GLRA3: variants seen among roughly 807,000 people sequenced by gnomAD.
GLRA3 encodes the protein glycine receptor subunit alpha-3.
A neutral mutation model predicts 60.4 loss-of-function variants in GLRA3; 44 were observed. The ratio of observed to expected loss-of-function variants is 0.73; its 90% confidence interval spans 0.57 to 0.94. The LOEUF (loss-of-function observed/expected upper bound fraction) is 0.94, where lower values mean the gene tolerates loss of function less well. Ranked by LOEUF, GLRA3 falls within the 40% of genes least tolerant of loss-of-function variation. The probability of loss-of-function intolerance (pLI) is 0.00; values close to 1 mark genes in which losing one functional copy is unlikely to be tolerated. For missense variants in GLRA3, 508 were observed against 564.6 expected (o/e 0.90, Z 1.02); for synonymous variants, 223 against 192.9 (o/e 1.16, Z -1.29).
chr4:174,683,065 A>C, intron 5 of GLRA3, 126 bp from the exon 6 acceptor site: 1 of 702,144 alleles, frequency 1.4e-6, no homozygotes, highest in Non-Finnish European at 2.4e-6. Context: ...AACTCTGTGG[A>C]TGGAGCTATT....
At chr4:174,773,967 CA>C (rs1738493847) in intron 2 of GLRA3, among the ~76,000 whole-genome samples, 5 of 11,612 alleles carry the variant, frequency 4.3e-4, no homozygotes, top group Admixed American at 2.9e-3. Flanking sequence ...GGAAAATGTA[CA>C]CCCACAATAG....
At chr4:174,737,067 A>G (rs1030339183) in intron 3 of GLRA3, among the ~76,000 whole-genome samples, 1 of 152,186 alleles carries the variant, frequency 6.6e-6, no homozygotes, top group Non-Finnish European at 1.5e-5. Flanking sequence ...GGGTTTATCT[A>G]TTTACTTCAC....
chr4:174,781,634 T>G (rs1386982240), intron 2 of GLRA3, among the ~76,000 whole-genome samples: 1 of 150,382 alleles, frequency 6.6e-6, no homozygotes, highest in Non-Finnish European at 1.5e-5. Flanking sequence ...AAAGGGGATA[T>G]CACCACCGAT....
chr4:174,713,147 A>C (rs1385779756), intron 5 of GLRA3, among the ~76,000 whole-genome samples: 1 of 152,160 alleles, frequency 6.6e-6, no homozygotes, highest in African/African-American at 2.4e-5. Context: ...AATTAAAATT[A>C]ATTCCTAATA....
chr4:174,704,850 T>C (rs1346984382), intron 5 of GLRA3, among the ~76,000 whole-genome samples: 1 of 143,280 alleles, frequency 7.0e-6, no homozygotes, highest in African/African-American at 2.5e-5. Flanking sequence ...CAAAGACAAA[T>C]ACTGTATGAA....
At chr4:174,697,944 C>T (rs944554183) in intron 5 of GLRA3, among the ~76,000 whole-genome samples, 1 of 152,098 alleles carries the variant, frequency 6.6e-6, no homozygotes, top group African/African-American at 2.4e-5. Flanking sequence ...ATAAGAGGGT[C>T]TTGCCCGACT....
At chr4:174,690,739 T>C (rs968171984) in intron 5 of GLRA3, among the ~76,000 whole-genome samples, 2 of 152,234 alleles carry the variant, frequency 1.3e-5, no homozygotes, top group African/African-American at 4.8e-5. Flanking sequence ...GGTTCCCACT[T>C]ATAAGTGAGA....
At chr4:174,808,441 A>G (rs947960250) in intron 1 of GLRA3, among the ~76,000 whole-genome samples, 8 of 152,184 alleles carry the variant, frequency 5.3e-5, no homozygotes, top group African/African-American at 1.9e-4. Context: ...CAGTCATATA[A>G]AAGTATACCA....
chr4:174,779,079 G>A (rs1048640367), intron 2 of GLRA3, among the ~76,000 whole-genome samples: 2 of 152,216 alleles, frequency 1.3e-5, no homozygotes, highest in African/African-American at 2.4e-5. Flanking sequence ...CTGTCTGACA[G>A]CTTTGAAGAG....
chr4:174,666,332 G>A (rs1733661366), intron 7 of GLRA3, among the ~76,000 whole-genome samples: 1 of 151,944 alleles, frequency 6.6e-6, no homozygotes, highest in Non-Finnish European at 1.5e-5. Context: ...AAAAGAAATG[G>A]TCATTATATT....
chr4:174,774,734 A>G (rs1173455132), intron 2 of GLRA3, among the ~76,000 whole-genome samples: 2 of 152,202 alleles, frequency 1.3e-5, no homozygotes, highest in Non-Finnish European at 2.9e-5. Context: ...GACAAATAAA[A>G]TATGATGTGA....
chr4:174,721,134 T>G (rs1449228593), intron 4 of GLRA3, among the ~76,000 whole-genome samples: 2 of 151,868 alleles, frequency 1.3e-5, no homozygotes, highest in Admixed American at 1.3e-4. Flanking sequence ...GTTCAAGAGA[T>G]TCTCCTGCCT....
chr4:174,692,332 C>T (rs13138050), intron 5 of GLRA3, among the ~76,000 whole-genome samples: 27,910 of 146,088 alleles, frequency 0.19, 3,148 homozygotes, highest in East Asian at 0.39. Context: ...GTCAGCCCCC[C>T]GCTCGGCCAG....
chr4:174,681,048 C>T (rs1173074220), intron 6 of GLRA3, among the ~76,000 whole-genome samples: 1 of 152,156 alleles, frequency 6.6e-6, no homozygotes, highest in Non-Finnish European at 1.5e-5. Context: ...CTTTTATTCT[C>T]TACATAATTT....
intron 7 of GLRA3, among the ~76,000 whole-genome samples, chr4:174,666,490 T>C (rs769166695): frequency 6.6e-6 from 1 of 151,968 alleles, no homozygotes; most frequent in Non-Finnish European, 1.5e-5. Context: ...AGGCTATTGT[T>C]TACTTGCCAT....
chr4:174,814,382 T>G (rs947699252), intron 1 of GLRA3, among the ~76,000 whole-genome samples: 5 of 152,172 alleles, frequency 3.3e-5, no homozygotes, highest in Non-Finnish European at 7.3e-5. Context: ...CGAAATTTTC[T>G]TCAAAGTTCC....
chr4:174,778,354 T>G (rs1375850227), intron 2 of GLRA3, among the ~76,000 whole-genome samples: 2 of 152,192 alleles, frequency 1.3e-5, no homozygotes, highest in East Asian at 1.9e-4. Flanking sequence ...TTTTTTTTCT[T>G]TTTTTGCTTT....
chr4:174,764,918 G>A (rs1312261561), intron 3 of GLRA3, among the ~76,000 whole-genome samples: 1 of 151,896 alleles, frequency 6.6e-6, no homozygotes, highest in African/African-American at 2.4e-5. Context: ...TTAGAAATTT[G>A]GAAGAATAAA....
At position 174,775,392 on chromosome 4, in the gene GLRA3, C is replaced by T. The variant is rs528085423; in HGVS notation, c.200-8362G>A. ...TGTAGAATAGAGTACTAGAAAGAGTCAATTTGTGATGAAGGGAGAAAAGGA... is the reference window on the plus strand; with the variant it reads ...TGTAGAATAGAGTACTAGAAAGAGTTAATTTGTGATGAAGGGAGAAAAGGA... On this transcript the variant is annotated intron_variant, in intron 2 of 9. Coordinates refer to ENST00000274093, the MANE Select transcript of GLRA3 (RefSeq NM_006529.4). 1.4e-3 allele frequency among the ~76,000 whole-genome samples: 211 copies of T among 151,772 alleles called. 1 individual carries two copies. The highest frequency in any genetic ancestry group is 2.2e-3 in the Non-Finnish European group (151 of 67,922).
Sources: gnomAD v4.1 joint callset for allele counts (sites outside exome capture counted in the v4.1 genomes callset) on GRCh38, gnomAD v4.1.1 for gene constraint, MANE v1.5 for transcripts, NCBI Gene and HGNC (gene_info 2026-07-23, HGNC 2026-07-21) for gene names.